Variants in OPRM1 observed in about 807,000 individuals in gnomAD.
The protein encoded by OPRM1 is opioid receptor mu 1, also known as mu-type opioid receptor.
OPRM1 carries 27 observed loss-of-function variants against 31.8 expected under a neutral mutation model. That is an observed-to-expected ratio of 0.85 (90% CI 0.63 to 1.17). The LOEUF is 1.17. Ranked by LOEUF, OPRM1 falls within the 50% of genes most tolerant of loss-of-function variation. OPRM1 has a pLI of 0.00. For synonymous variants in OPRM1, 196 were observed against 189.9 expected, an observed-to-expected ratio of 1.03 and a Z score of -0.26; for missense variants, 536 against 511.1, an observed-to-expected ratio of 1.05 and a Z score of -0.47.
rs1162086187 is a variant in OPRM1 at position 154,195,143 on chromosome 6, C to CTT, written c.1165-51548_1165-51547dup. On this transcript the variant is annotated intron_variant, in intron 3 of 3. Coordinates refer to the OPRM1 transcript ENST00000337049. Reference sequence around the variant, plus strand: ...CTACAGCTAAAATAATTTTTCTTTTCTTTCTTTTTTTTTTTTTTTTTTGAG... The same window carrying CTT: ...CTACAGCTAAAATAATTTTTCTTTTCTTTTTCTTTTTTTTTTTTTTTTTTGAG... 2.2e-3 allele frequency among the ~76,000 whole-genome samples: 295 copies of CTT among 133,474 alleles called. 2 individuals carry two copies. The highest frequency in any genetic ancestry group is 8.3e-3 in the African/African-American group (279 of 33,724). 87.6% of individuals were successfully genotyped at this position (133,474 alleles called of 152,430 possible).
chr6:154,191,035 G>A (rs574809922), intron 3 of OPRM1, among the ~76,000 whole-genome samples: 2 of 152,126 alleles, frequency 1.3e-5, no homozygotes, highest in East Asian at 1.9e-4. Context: ...CAGCCTGGAC[G>A]ACAGAGAGAG....
chr6:154,084,357 G>A (rs1255684346), intron 1 of OPRM1, among the ~76,000 whole-genome samples: 3 of 152,104 alleles, frequency 2.0e-5, no homozygotes, highest in East Asian at 3.9e-4. Flanking sequence ...GCCAATGAGA[G>A]GATAATCACT....
At chr6:154,030,236 C>T (rs1053676005) in intron 1 of OPRM1, among the ~76,000 whole-genome samples, 2 of 151,770 alleles carry the variant, frequency 1.3e-5, no homozygotes, top group Non-Finnish European at 2.9e-5. Flanking sequence ...TATATTAATA[C>T]GTTTATGAAG....
At chr6:154,054,582 A>G (rs1782859187) in intron 1 of OPRM1, among the ~76,000 whole-genome samples, 1 of 152,190 alleles carries the variant, frequency 6.6e-6, no homozygotes, top group African/African-American at 2.4e-5. Context: ...ATCTGTCCTT[A>G]TATTTTACTT....
At chr6:154,186,417 A>C (rs1179808772) in intron 3 of OPRM1, among the ~76,000 whole-genome samples, 1 of 152,140 alleles carries the variant, frequency 6.6e-6, no homozygotes, top group Non-Finnish European at 1.5e-5. Flanking sequence ...ACTGCTTTCC[A>C]TCTCAACCTA....
At chr6:154,233,752 C>T (rs1372362162) in intron 3 of OPRM1, among the ~76,000 whole-genome samples, 4 of 152,170 alleles carry the variant, frequency 2.6e-5, no homozygotes, top group Non-Finnish European at 5.9e-5. Flanking sequence ...CCTTACCACC[C>T]AGGGCACACT....
chr6:154,091,864 C>T, intron 3 of OPRM1: 1 of 996,594 alleles, frequency 1.0e-6, no homozygotes, highest in Non-Finnish European at 1.2e-6. Context: ...TCTCAAAAGC[C>T]AGTCTTGCTC....
chr6:154,101,060 A>G (rs1220917492), intron 3 of OPRM1, among the ~76,000 whole-genome samples: 1 of 151,798 alleles, frequency 6.6e-6, no homozygotes, highest in South Asian at 2.1e-4. Context: ...AGAAAAGCAA[A>G]TCCTATGAAA....
intron 1 of OPRM1, among the ~76,000 whole-genome samples, chr6:154,025,488 T>C (rs1445420805): frequency 6.6e-6 from 1 of 152,090 alleles, no homozygotes; most frequent in East Asian, 1.9e-4. Flanking sequence ...AGCTACTCTT[T>C]ATGTTTTGAT....
At chr6:154,190,004 A>G (rs1476114518) in intron 3 of OPRM1, among the ~76,000 whole-genome samples, 1 of 152,180 alleles carries the variant, frequency 6.6e-6, no homozygotes, top group Non-Finnish European at 1.5e-5. Flanking sequence ...TATGTCAATT[A>G]TAGGTAAGAA....
intron 1 of OPRM1, among the ~76,000 whole-genome samples, chr6:154,072,076 C>A (rs539507891): frequency 4.3e-4 from 65 of 152,222 alleles, no homozygotes; most frequent in African/African-American, 1.5e-3. Flanking sequence ...TATATACTGT[C>A]CCTTCTCCTT....
upstream of OPRM1, among the ~76,000 whole-genome samples, chr6:154,036,347 A>G (rs768018095): frequency 5.9e-5 from 9 of 152,078 alleles, no homozygotes; most frequent in Non-Finnish European, 1.3e-4. Flanking sequence ...TGCAATGATA[A>G]CCAGAATATT....
At chr6:154,058,292 A>G (rs1179367770) in intron 1 of OPRM1, among the ~76,000 whole-genome samples, 3 of 152,218 alleles carry the variant, frequency 2.0e-5, no homozygotes, top group Non-Finnish European at 2.9e-5. Flanking sequence ...GATGTTTGGT[A>G]TAGCTCTCAT....
At chr6:154,094,329 A>G (rs551513331) in intron 3 of OPRM1, 3 of 727,298 alleles carry the variant, frequency 4.1e-6, no homozygotes, top group African/African-American at 1.8e-5. Flanking sequence ...GTAATTTGAT[A>G]AGCCAATGAG....
In OPRM1 at chr6:154,042,983, G is replaced by A. The variant is rs75217394; in HGVS notation, c.290+3149G>A. 3.2e-3 allele frequency among the ~76,000 whole-genome samples: 480 copies of A among 152,224 alleles called. 2 individuals carry two copies. The highest frequency in any genetic ancestry group is 0.011 in the African/African-American group (467 of 41,556). ...GCCACCAGAGATGTTTCACTTTTGG[G>A]AAAATATTTAATAACTGAACCAGAC... On this transcript the variant is annotated intron_variant, in intron 1 of 3. Coordinates refer to ENST00000330432, the MANE Select transcript of OPRM1 (RefSeq NM_000914.5).
At chr6:154,159,939 G>T in intron 3 of OPRM1, 1 of 1,613,434 alleles carries the variant, frequency 6.2e-7, no homozygotes, top group East Asian at 2.2e-5. Flanking sequence ...AGATGTCCTG[G>T]ATCAGCAGGG....
intron 1 of OPRM1, among the ~76,000 whole-genome samples, chr6:154,019,906 G>A (rs1017337387): frequency 7.5e-4 from 114 of 151,884 alleles, no homozygotes; most frequent in African/African-American, 2.6e-3. Context: ...GCTAATTTTT[G>A]TATTTTTTGT....
chr6:154,195,354 A>G lies in OPRM1; in HGVS notation c.1165-51339A>G, dbSNP rs1055224986. Reference sequence around the variant, plus strand: ...AATAGAGATGGGGTTTCACCATGTTAGCCAGGATGGTCTCGATCTCCTGAC... The same window carrying G: ...AATAGAGATGGGGTTTCACCATGTTGGCCAGGATGGTCTCGATCTCCTGAC... On this transcript the variant is annotated intron_variant, in intron 3 of 3. Coordinates refer to the OPRM1 transcript ENST00000337049. 4.6e-5 allele frequency among the ~76,000 whole-genome samples: 7 copies of G among 151,814 alleles called. No individual in the cohort carries two copies. The East Asian group carries it at 5.8e-4, about 13-fold the overall frequency.
intron 1 of OPRM1, among the ~76,000 whole-genome samples, chr6:154,067,595 T>G (rs1328872701): frequency 2.0e-5 from 3 of 152,074 alleles, no homozygotes; most frequent in African/African-American, 7.2e-5. Flanking sequence ...TCCTTGAAAA[T>G]GTTCCATGTG....
Sources: gnomAD v4.1 joint callset for allele counts (sites outside exome capture counted in the v4.1 genomes callset) on GRCh38, gnomAD v4.1.1 for gene constraint, MANE v1.5 for transcripts, NCBI Gene and HGNC (gene_info 2026-07-23, HGNC 2026-07-21) for gene names.